UBE2F: variants seen among roughly 807,000 people sequenced by gnomAD.
UBE2F encodes ubiquitin conjugating enzyme E2 F (putative), also known as NEDD8-conjugating enzyme UBE2F.
Under a neutral mutation model 29.6 loss-of-function variants are expected in UBE2F, and 5 were observed. The ratio of observed to expected loss-of-function variants is 0.17; its 90% CI spans 0.09 to 0.36. The LOEUF (loss-of-function observed/expected upper bound fraction) is 0.36, where lower values mean the gene tolerates loss of function less well. Ranked by LOEUF, UBE2F falls within the 10% of genes least tolerant of loss-of-function variation. The pLI is 1.00. For synonymous variants in UBE2F, 66 were observed against 81.8 expected (o/e 0.81, Z 1.04); for missense variants, 141 against 228.5 (o/e 0.62, Z 2.47).
intron 4 of UBE2F, among the ~76,000 whole-genome samples, chr2:238,002,456 C>G (rs936364546): frequency 6.6e-6 from 1 of 152,024 alleles, no homozygotes; most frequent in Non-Finnish European, 1.5e-5. Flanking sequence ...AGGCTGGTCT[C>G]GACCTCCTGA....
At chr2:237,998,980 T>A (rs1407306162) in intron 4 of UBE2F, among the ~76,000 whole-genome samples, 2 of 152,228 alleles carry the variant, frequency 1.3e-5, no homozygotes, top group South Asian at 4.1e-4. Flanking sequence ...TACAAGTCTT[T>A]TGTCAGATGC....
chr2:238,017,588 A>G (rs544307856), intron 5 of UBE2F, among the ~76,000 whole-genome samples: 69 of 152,310 alleles, frequency 4.5e-4, no homozygotes, highest in African/African-American at 1.6e-3. Context: ...TTGGGGTATT[A>G]GAGGAGGTGT....
Position 238,040,302 on chromosome 2 carries a change from G to C in UBE2F, c.508-986G>C, listed in dbSNP as rs770207100. 1.3e-5 allele frequency among the ~76,000 whole-genome samples: 2 copies of C among 152,230 alleles called. No homozygotes were observed. The highest frequency in any genetic ancestry group is 2.9e-5 in the Non-Finnish European group (2 of 68,034). ...TCGCGGCAGCAGCGAGGTATACATC[G>C]AGTGCCAGGTTATACCCTGCACATT... On this transcript the variant is annotated intron_variant, in intron 9 of 9. Coordinates refer to ENST00000272930, the MANE Select transcript of UBE2F (RefSeq NM_080678.3). This position sits in a 1 kb window ranked among gnomAD's most constrained non-coding sequence, Gnocchi z 4.4.
intron 6 of UBE2F, among the ~76,000 whole-genome samples, chr2:238,026,444 T>C (rs903202097): frequency 6.6e-6 from 1 of 151,962 alleles, no homozygotes; most frequent in African/African-American, 2.4e-5. Flanking sequence ...CCCTTTCTCT[T>C]TTTTTTTGAG....
At chr2:237,991,429 C>G (rs1012925847) in intron 3 of UBE2F, among the ~76,000 whole-genome samples, 4 of 151,918 alleles carry the variant, frequency 2.6e-5, no homozygotes, top group Non-Finnish European at 5.9e-5. Context: ...AAGTTTTTAG[C>G]GGTTTCTCTG....
chr2:238,031,019 C>T (rs2064563029), intron 7 of UBE2F, among the ~76,000 whole-genome samples: 2 of 152,204 alleles, frequency 1.3e-5, no homozygotes, highest in Admixed American at 1.3e-4. Context: ...AGAAGACTGT[C>T]AGGTGTTGGG....
chr2:237,967,032 G>A lies in UBE2F; in HGVS notation c.-117G>A, dbSNP rs1224600070. On this transcript the variant is annotated 5_prime_UTR_variant, in exon 1 of 10. Transcript: ENST00000272930. This position sits in a 1 kb window ranked among gnomAD's most constrained non-coding sequence, Gnocchi z 6.3. ...CCCCGCCACTTCCGGTCCCGCCGCCGGGAGCCGGTGCGGCTGTGAGGGGCC... is the reference window on the plus strand; with the variant it reads ...CCCCGCCACTTCCGGTCCCGCCGCCAGGAGCCGGTGCGGCTGTGAGGGGCC... 3.9e-6 allele frequency: 5 copies of A among 1,282,920 alleles called. No individual in the cohort carries two copies. In the South Asian group the frequency reaches 6.5e-5, roughly 17 times the overall value. 79.5% of individuals were successfully genotyped at this position (1,282,920 alleles called of 1,614,324 possible). A position where few individuals can be genotyped will look rare whatever the true frequency, so the allele number is the denominator to read the frequency against.
chr2:237,973,235 A>G lies in UBE2F; in HGVS notation c.118+10A>G. 6.2e-7 allele frequency: 1 copy of G among 1,611,984 alleles called. No individual in the cohort carries two copies. Among genetic ancestry groups the G allele is most frequent in the Non-Finnish European group, 8.5e-7 (1 of 1,178,090 alleles). On this transcript the variant is annotated intron_variant, in intron 2 of 9. Coordinates refer to ENST00000272930, the MANE Select transcript of UBE2F (RefSeq NM_080678.3). ...AAATTGCTTGTTAAAGGTAATGATCATTCGTGTGAACTGTTTTTATATCCT... is the reference window on the plus strand; with the variant it reads ...AAATTGCTTGTTAAAGGTAATGATCGTTCGTGTGAACTGTTTTTATATCCT...
chr2:237,970,246 T>TC (rs2063147678), intron 1 of UBE2F, among the ~76,000 whole-genome samples: 1 of 152,150 alleles, frequency 6.6e-6, no homozygotes, highest in African/African-American at 2.4e-5. Context: ...CTGCCTGTAG[T>TC]CCTAGCTGCT....
At chr2:237,974,520 T>G (rs1214965821) in intron 2 of UBE2F, among the ~76,000 whole-genome samples, 32 of 142,122 alleles carry the variant, frequency 2.3e-4, no homozygotes, top group South Asian at 1.2e-3. Context: ...TTTTTGTTTT[T>G]TTTTTTTTTT....
Position 238,040,497 on chromosome 2 carries a change from A to AGT in UBE2F, c.508-787_508-786dup, listed in dbSNP as rs2064815753. On this transcript the variant is annotated intron_variant, in intron 9 of 9. Transcript: ENST00000272930. This position sits in a 1 kb window ranked among gnomAD's most constrained non-coding sequence, Gnocchi z 4.4. ...TGCATGGCATTGATGGGACCGAAGC[A>AGT]GTGTGATCCTGCAGGGACATCTGAG... is the stretch of plus-strand genomic sequence containing the variant. 6.6e-6 allele frequency among the ~76,000 whole-genome samples: 1 copy of AGT among 152,176 alleles called. No homozygotes were observed. The highest frequency in any genetic ancestry group is 2.1e-4 in the South Asian group (1 of 4,834).
intron 5 of UBE2F, among the ~76,000 whole-genome samples, chr2:238,016,881 A>G (rs776302448): frequency 3.3e-5 from 5 of 152,202 alleles, no homozygotes; most frequent in Non-Finnish European, 5.9e-5. Context: ...TGTATTTTCT[A>G]TAACTCTTAT....
At chr2:237,994,214 G>C (rs1383898400) in intron 3 of UBE2F, among the ~76,000 whole-genome samples, 1 of 151,114 alleles carries the variant, frequency 6.6e-6, no homozygotes, top group Non-Finnish European at 1.5e-5. Flanking sequence ...GGGTTCAAGT[G>C]ATTCTCCTGC....
chr2:238,016,457 A>G (rs2064155400), intron 4 of UBE2F, 109 bp from the exon 5 acceptor site: 2 of 935,460 alleles, frequency 2.1e-6, no homozygotes, highest in Admixed American at 4.8e-5. Context: ...GCCTGTTTTT[A>G]AACTCCTGAT....
At chr2:238,008,212 TC>T (rs2063947336) in intron 4 of UBE2F, among the ~76,000 whole-genome samples, 1 of 152,096 alleles carries the variant, frequency 6.6e-6, no homozygotes, top group Non-Finnish European at 1.5e-5. Flanking sequence ...GCTCAAGTGA[TC>T]CTCCCAAAGT....
intron 2 of UBE2F, among the ~76,000 whole-genome samples, 175 bp from the exon 3 acceptor site, chr2:237,987,788 G>T (rs1479028967): frequency 6.6e-6 from 1 of 151,036 alleles, no homozygotes. Flanking sequence ...AAGTCACTTT[G>T]TATATCGAAA....
intron 2 of UBE2F, among the ~76,000 whole-genome samples, chr2:237,974,821 G>A (rs1394298567): frequency 1.3e-5 from 2 of 149,690 alleles, no homozygotes; most frequent in Admixed American, 6.7e-5. Flanking sequence ...AGCCATTTTT[G>A]TATTCTTAAT....
At chr2:237,971,163 A>C (rs1017837265) in intron 1 of UBE2F, among the ~76,000 whole-genome samples, 1 of 152,236 alleles carries the variant, frequency 6.6e-6, no homozygotes, top group Non-Finnish European at 1.5e-5. Flanking sequence ...TTTGACTTTC[A>C]GGATCTTAGC....
intron 5 of UBE2F, 72 bp downstream of exon 5, chr2:238,016,705 G>C: frequency 7.4e-7 from 1 of 1,351,830 alleles, no homozygotes; most frequent in Non-Finnish European, 1.0e-6. Context: ...CCCGCCACTG[G>C]CACAGGGCCC....
Sources: allele counts gnomAD v4.1 joint callset (sites outside exome capture counted in the v4.1 genomes callset), GRCh38; gene constraint gnomAD v4.1.1; non-coding constraint Gnocchi (gnomAD v3.1); transcripts MANE v1.5; gene names NCBI Gene and HGNC (gene_info 2026-07-23, HGNC 2026-07-21).